The following ZNF469 variants were observed in gnomAD, a reference collection of about 807,000 sequenced individuals.
ZNF469 encodes zinc finger protein 469.
ZNF469 carries 1 observed loss-of-function variant against 1.0 expected under a neutral mutation model. That is an observed-to-expected ratio of 1.00 (90% CI 0.35 to 4.73). ZNF469 has a LOEUF of 4.73. Ranked by LOEUF, ZNF469 falls within the 30% of genes most tolerant of loss-of-function variation. The pLI is 0.16. For synonymous variants in ZNF469, 2,703 were observed against 2,363.4 expected (o/e 1.14, Z -4.17); for missense variants, 6,100 against 5,356.3 (o/e 1.14, Z -4.33).
At chr16:88,114,784 G>C in the ZNF469 span, among the ~76,000 whole-genome samples, 2 of 152,198 alleles carry the variant, frequency 1.3e-5, no homozygotes, top group Non-Finnish European at 2.9e-5. Flanking sequence ...GGGCTGTTGG[G>C]GAAGAGGTGC....
chr16:88,195,960 C>G, the ZNF469 span, among the ~76,000 whole-genome samples: 1 of 152,226 alleles, frequency 6.6e-6, no homozygotes, highest in Non-Finnish European at 1.5e-5. Context: ...ACTTGGGAAA[C>G]TGGAATTATT....
chr16:88,424,405 C>G lies in ZNF469; in HGVS notation c.-191-402C>G, dbSNP rs566991908. Among the ~76,000 whole-genome samples the G allele has an allele frequency of 1.4e-4, 22 of 152,304 alleles. No homozygotes were observed. Among genetic ancestry groups the G allele is most frequent in the Non-Finnish European group, 2.8e-4 (19 of 68,022 alleles). On this transcript the variant is annotated intron_variant, in intron 1 of 2. Transcript: ENST00000565624. The surrounding 1 kb of genome is among the most constrained non-coding windows in gnomAD (Gnocchi z 4.3). ...CTGGGAGGAAACACCAGAAGCTCCT[C>G]TAGTCTCCCCAGCGGGACTGGGGAG...
chr16:88,389,623 C>A (rs1904430148), intron 1 of ZNF469, among the ~76,000 whole-genome samples: 1 of 152,182 alleles, frequency 6.6e-6, no homozygotes, highest in Non-Finnish European at 1.5e-5. Context: ...TGGTGGGAAC[C>A]TCTTACCCCG....
At chr16:88,426,255 G>A (rs1288148099) in intron 2 of ZNF469, among the ~76,000 whole-genome samples, 3 of 152,348 alleles carry the variant, frequency 2.0e-5, no homozygotes, top group East Asian at 1.9e-4. Context: ...CAAGTCATCC[G>A]CCTCTCTGGG....
chr16:88,334,766 G>C, the ZNF469 span, among the ~76,000 whole-genome samples: 1 of 152,214 alleles, frequency 6.6e-6, no homozygotes, highest in Non-Finnish European at 1.5e-5. Context: ...GCCTGAGATG[G>C]GAAGATGCCG....
Position 88,427,453 on chromosome 16 carries a change from C to T in ZNF469, c.-18C>T, listed in dbSNP as rs568661500. On this transcript the variant is annotated 5_prime_UTR_variant, in exon 3 of 3. Transcript: ENST00000565624. ...CCCTCGGACAGCTGCGTCGTCCTAG[C>T]GCCAGGACGGAGGGGCCATGCCTGG... is the stretch of plus-strand genomic sequence containing the variant. 9 of 1,482,934 alleles carry T rather than the reference C, an allele frequency of 6.1e-6. No homozygotes were observed. In the Admixed American group the frequency reaches 6.6e-5, roughly 11 times the overall value. The allele number at this position is 1,482,934 out of a possible 1,614,324, so 91.9% of individuals were successfully genotyped here. A position where few individuals can be genotyped will look rare whatever the true frequency, so the allele number is the denominator to read the frequency against.
the ZNF469 span, among the ~76,000 whole-genome samples, chr16:88,271,986 G>A: frequency 6.6e-6 from 1 of 152,236 alleles, no homozygotes; most frequent in South Asian, 2.1e-4. Context: ...ATAGATGAGT[G>A]GTTGGGTAGT....
chr16:88,129,676 G>C, the ZNF469 span, among the ~76,000 whole-genome samples: 3 of 152,106 alleles, frequency 2.0e-5, no homozygotes, highest in Non-Finnish European at 2.9e-5. Flanking sequence ...CAACATGGGA[G>C]ACCCCATCCC....
the ZNF469 span, among the ~76,000 whole-genome samples, chr16:88,237,631 T>C: frequency 7.2e-5 from 1 of 13,922 alleles, no homozygotes; most frequent in East Asian, 1.1e-3. Flanking sequence ...CTCCCTGCCC[T>C]CCTTGCTCCT....
the ZNF469 span, among the ~76,000 whole-genome samples, chr16:88,337,160 G>T: frequency 1.3e-5 from 2 of 152,130 alleles, no homozygotes; most frequent in Non-Finnish European, 1.5e-5. Context: ...GGTATGGTTT[G>T]GCTGTGTCCC....
the ZNF469 span, among the ~76,000 whole-genome samples, chr16:88,348,127 G>T: frequency 2.6e-5 from 4 of 152,264 alleles, no homozygotes; most frequent in Non-Finnish European, 5.9e-5. Flanking sequence ...GCATCTGTGT[G>T]CGTCCCCTGG....
the ZNF469 span, among the ~76,000 whole-genome samples, chr16:88,250,403 C>T: frequency 6.6e-6 from 1 of 152,136 alleles, no homozygotes; most frequent in Non-Finnish European, 1.5e-5. Flanking sequence ...ATTTTTATTG[C>T]TGAATAGTAT....
chr16:88,373,597 G>C, the ZNF469 span, among the ~76,000 whole-genome samples: 1 of 152,192 alleles, frequency 6.6e-6, no homozygotes, highest in South Asian at 2.1e-4. Flanking sequence ...GAGGCTTTCT[G>C]GTGCCAACAT....
At chr16:88,229,357 C>A in the ZNF469 span, among the ~76,000 whole-genome samples, 1 of 152,234 alleles carries the variant, frequency 6.6e-6, no homozygotes, top group Non-Finnish European at 1.5e-5. Context: ...CTCGGGAACC[C>A]TCCTGCTTCT....
At chr16:88,259,210 G>C in the ZNF469 span, among the ~76,000 whole-genome samples, 3 of 152,206 alleles carry the variant, frequency 2.0e-5, no homozygotes, top group Non-Finnish European at 4.4e-5. This position sits in a 1 kb window ranked among gnomAD's most constrained non-coding sequence, Gnocchi z 4.1. Flanking sequence ...CGGCTTGTGA[G>C]TGGGAAGCAG....
In ZNF469 at chr16:88,434,600, C is replaced by A; in HGVS notation, c.7130C>A (p.Pro2377Gln). 1.3e-6 allele frequency: 2 copies of A among 1,550,298 alleles called. No homozygotes were observed. The highest frequency in any genetic ancestry group is 8.7e-7 in the Non-Finnish European group (1 of 1,146,938). Residue 2377 changes from proline to glutamine, a missense_variant, in exon 3 of 3, where the codon CCG (proline) becomes CAG (glutamine). By Grantham distance (76) the Pro-to-Gln change is moderately conservative (BLOSUM62 -1). Transcript: ENST00000565624. ...EGEMGTSSKEPEDPGTPETGR... is the reference protein window; with the variant it reads ...EGEMGTSSKEQEDPGTPETGR... ...GAGATGGGGACCAGCAGCAAGGAGCCGGAGGACCCAGGGACCCCTGAGACC... is the reference window on the plus strand; with the variant it reads ...GAGATGGGGACCAGCAGCAAGGAGCAGGAGGACCCAGGGACCCCTGAGACC...
chr16:88,346,351 A>G, the ZNF469 span, among the ~76,000 whole-genome samples: 6 of 152,280 alleles, frequency 3.9e-5, no homozygotes, highest in South Asian at 4.1e-4. Flanking sequence ...ACTAATCACC[A>G]AAACAGACCC....
the ZNF469 span, among the ~76,000 whole-genome samples, chr16:88,104,852 T>C: frequency 2.6e-5 from 4 of 152,124 alleles, no homozygotes; most frequent in Non-Finnish European, 5.9e-5. Context: ...CCTTCAGGCC[T>C]GCGTTTCACT....
chr16:88,154,979 T>A, the ZNF469 span, among the ~76,000 whole-genome samples: 2 of 152,166 alleles, frequency 1.3e-5, no homozygotes, highest in South Asian at 4.1e-4. Context: ...TGCTTTAATG[T>A]GGACATGAGC....
Sources: allele counts gnomAD v4.1 joint callset (sites outside exome capture counted in the v4.1 genomes callset), GRCh38; gene constraint gnomAD v4.1.1; non-coding constraint Gnocchi (gnomAD v3.1); transcripts MANE v1.5; gene names NCBI Gene and HGNC (gene_info 2026-07-23, HGNC 2026-07-21).